The following CFAP54 variants were observed in gnomAD, a reference collection of about 807,000 sequenced individuals.
CFAP54 encodes the protein cilia and flagella associated protein 54.
CFAP54 carries 290 observed loss-of-function variants against 370.4 expected under a neutral mutation model. The ratio of observed to expected loss-of-function variants is 0.78; its 90% CI spans 0.71 to 0.86. The LOEUF (loss-of-function observed/expected upper bound fraction) is 0.86, where lower values mean the gene tolerates loss of function less well. Ranked by LOEUF, CFAP54 falls within the 40% of genes least tolerant of loss-of-function variation. The pLI is 0.00. For synonymous variants in CFAP54, 1,206 were observed against 1,236.5 expected (o/e 0.98, Z 0.52); for missense variants, 3,399 against 3,528.7 (o/e 0.96, Z 0.93).
At chr12:96,739,380 G>A (rs1322382334) in intron 50 of CFAP54, among the ~76,000 whole-genome samples, 3 of 152,148 alleles carry the variant, frequency 2.0e-5, no homozygotes, top group African/African-American at 7.2e-5. Flanking sequence ...TATGTATGGA[G>A]CAACAGGAAG....
intron 5 of CFAP54, among the ~76,000 whole-genome samples, chr12:96,514,041 G>C (rs1955203654): frequency 6.6e-6 from 1 of 152,160 alleles, no homozygotes; most frequent in African/African-American, 2.4e-5. Context: ...TAGCATTTTT[G>C]TCCACGGGAG....
At chr12:96,568,568 A>C (rs915711436) in intron 19 of CFAP54, among the ~76,000 whole-genome samples, 3 of 152,178 alleles carry the variant, frequency 2.0e-5, no homozygotes, top group African/African-American at 4.8e-5. Flanking sequence ...TTTTTTAAAG[A>C]AGACAAATAC....
At chr12:96,616,334 A>G (rs1044539228) in intron 26 of CFAP54, among the ~76,000 whole-genome samples, 6 of 150,776 alleles carry the variant, frequency 4.0e-5, no homozygotes, top group African/African-American at 7.3e-5. Context: ...GACACAGGAA[A>G]GGGAACATCA....
chr12:96,743,948 A>C (rs372388425), intron 54 of CFAP54, 38 bp downstream of exon 54: 10 of 1,600,916 alleles, frequency 6.2e-6, no homozygotes, highest in Non-Finnish European at 8.5e-6. Context: ...ATAGAAACTT[A>C]CTTTTCTCTC....
chr12:96,542,129 T>C (rs953239238), intron 14 of CFAP54, among the ~76,000 whole-genome samples: 2 of 152,220 alleles, frequency 1.3e-5, no homozygotes, highest in Admixed American at 1.3e-4. Flanking sequence ...TCTGGAGGAC[T>C]TCGTAATAAA....
intron 66 of CFAP54, among the ~76,000 whole-genome samples, chr12:96,832,413 T>C (rs1434719388): frequency 6.6e-6 from 1 of 152,038 alleles, no homozygotes; most frequent in Admixed American, 6.6e-5. Flanking sequence ...TTGTGTGAAC[T>C]TGGGCAAGTT....
At chr12:96,581,382 A>G (rs1956031070) in intron 22 of CFAP54, among the ~76,000 whole-genome samples, 1 of 152,168 alleles carries the variant, frequency 6.6e-6, no homozygotes. Flanking sequence ...TGCATAAAGA[A>G]GAAAATAAAT....
Position 96,594,306 on chromosome 12 carries a change from G to T in CFAP54, c.3376G>T (p.Glu1126Ter). The T allele has an allele frequency of 6.5e-7, 1 of 1,531,784 alleles. No homozygotes were observed. Among genetic ancestry groups the T allele is most frequent in the Non-Finnish European group, 8.7e-7 (1 of 1,144,054 alleles). The allele number at this position is 1,531,784 out of a possible 1,614,324, so 94.9% of individuals were successfully genotyped here. Residue 1126 changes from glutamate to a stop codon, truncating the protein, a stop_gained, in exon 25 of 68, where the codon GAA becomes TAA. Coordinates refer to ENST00000524981, the MANE Select transcript of CFAP54 (RefSeq NM_001306084.2). LOFTEE classifies it high-confidence loss of function. ...FPSQQIARLIECERVLVALEL... is the reference protein window; with the variant it reads ...FPSQQIARLI ...TTCTTTACAGATTGCCAGACTGATT[G>T]AATGTGAGAGAGTATTAGTGGCATT...
intron 32 of CFAP54, among the ~76,000 whole-genome samples, chr12:96,632,313 A>G (rs1453375761): frequency 6.6e-6 from 1 of 151,974 alleles, no homozygotes; most frequent in Non-Finnish European, 1.5e-5. Context: ...AAATATATCA[A>G]TGTTTCCCTT....
intron 33 of CFAP54, 29 bp downstream of exon 33, chr12:96,644,437 T>G (rs1956768056): frequency 7.1e-7 from 1 of 1,415,530 alleles, no homozygotes; most frequent in Non-Finnish European, 9.6e-7. Flanking sequence ...GAAAAATACT[T>G]TTTTAGTTTC....
In CFAP54 at chr12:96,651,331, G is replaced by A. The variant is rs533445960; in HGVS notation, c.4873-257G>A. ...GCACCTAGAACAATGGGTTAGCCAC[G>A]CTGAACCCATGACTCCATTTCCTCA... On this transcript the variant is annotated intron_variant, in intron 35 of 67. Transcript: ENST00000524981. Among the ~76,000 whole-genome samples, 3 of 152,222 alleles carry A rather than the reference G, an allele frequency of 2.0e-5. No individual in the cohort carries two copies. In the East Asian group the frequency reaches 5.8e-4, roughly 29 times the overall value.
chr12:96,532,062 G>C (rs554550830), intron 9 of CFAP54, among the ~76,000 whole-genome samples: 3 of 152,030 alleles, frequency 2.0e-5, no homozygotes, highest in Non-Finnish European at 4.4e-5. Flanking sequence ...GAATCCACTT[G>C]GTTCTTTTTT....
At chr12:96,612,753 A>G (rs1483186136) in intron 26 of CFAP54, among the ~76,000 whole-genome samples, 2 of 152,246 alleles carry the variant, frequency 1.3e-5, no homozygotes, top group Admixed American at 1.3e-4. Context: ...GTAAACCAAC[A>G]GAGATCAAAA....
At chr12:96,594,522 C>A in intron 25 of CFAP54, 76 bp downstream of exon 25, 3 of 1,176,990 alleles carry the variant, frequency 2.5e-6, no homozygotes, top group Non-Finnish European at 3.4e-6. Context: ...AAAAGAAAAG[C>A]CATGTATCTC....
At chr12:96,823,132 G>GTGTC (rs1445190872) in intron 65 of CFAP54, among the ~76,000 whole-genome samples, 11 of 137,174 alleles carry the variant, frequency 8.0e-5, no homozygotes, top group African/African-American at 2.7e-4. Flanking sequence ...CTGTGTGTGT[G>GTGTC]TGTGTCTGTG....
intron 17 of CFAP54, among the ~76,000 whole-genome samples, chr12:96,556,459 T>C (rs150220616): frequency 1.1e-3 from 166 of 152,248 alleles, no homozygotes; most frequent in African/African-American, 3.9e-3. Flanking sequence ...TTTTTCACAA[T>C]TGTATTAGTT....
intron 25 of CFAP54, among the ~76,000 whole-genome samples, chr12:96,598,400 T>C (rs1956202037): frequency 6.6e-6 from 1 of 152,052 alleles, no homozygotes; most frequent in South Asian, 2.1e-4. Flanking sequence ...TTTATAGTCA[T>C]TTGTGTTTTA....
intron 20 of CFAP54, among the ~76,000 whole-genome samples, chr12:96,580,328 G>A (rs1171751160): frequency 6.6e-6 from 1 of 152,000 alleles, no homozygotes; most frequent in Non-Finnish European, 1.5e-5. Flanking sequence ...GAAAATATCT[G>A]TAAATTTCCT....
chr12:96,696,610 A>G (rs1364851380), intron 45 of CFAP54, among the ~76,000 whole-genome samples: 1 of 152,150 alleles, frequency 6.6e-6, no homozygotes, highest in Non-Finnish European at 1.5e-5. Context: ...TAGAATTTAT[A>G]TAGAATCTTA....
Sources: gnomAD v4.1 joint callset for allele counts (sites outside exome capture counted in the v4.1 genomes callset) on GRCh38, gnomAD v4.1.1 for gene constraint, MANE v1.5 for transcripts, NCBI Gene and HGNC (gene_info 2026-07-23, HGNC 2026-07-21) for gene names.